The following CRADD variants were observed in gnomAD, a reference collection of about 807,000 sequenced individuals.
CRADD encodes death domain-containing protein CRADD.
A neutral mutation model predicts 15.5 loss-of-function variants in CRADD; 9 were observed. That is an observed-to-expected ratio of 0.58 (90% confidence interval 0.35 to 1.01). The LOEUF (loss-of-function observed/expected upper bound fraction) is 1.01. Among genes scored for constraint, CRADD ranks in the 50% least tolerant of loss-of-function variants. The pLI, the probability that CRADD is intolerant of heterozygous loss-of-function variation, is 0.02. For synonymous variants in CRADD, 118 were observed against 107.6 expected, an observed-to-expected ratio of 1.10 and a Z score of -0.60; for missense variants, 227 against 250.3, an observed-to-expected ratio of 0.91 and a Z score of 0.63.
intron 2 of CRADD, among the ~76,000 whole-genome samples, chr12:93,865,363 T>A (rs1958357381): frequency 6.6e-6 from 1 of 152,126 alleles, no homozygotes; most frequent in South Asian, 2.1e-4. Flanking sequence ...GATGCTCAAG[T>A]CCCTGGTATA....
intron 2 of CRADD, among the ~76,000 whole-genome samples, chr12:93,724,122 T>G (rs112762040): frequency 2.6e-4 from 39 of 152,140 alleles, no homozygotes; most frequent in African/African-American, 8.7e-4. Flanking sequence ...ACACCTGTAA[T>G]CCCAGCACTT....
chr12:93,790,041 C>T (rs1957330754), intron 2 of CRADD, among the ~76,000 whole-genome samples: 1 of 152,132 alleles, frequency 6.6e-6, no homozygotes, highest in African/African-American at 2.4e-5. Context: ...GAACACAAGC[C>T]TCTCCTACCC....
intron 2 of CRADD, among the ~76,000 whole-genome samples, chr12:93,889,651 G>A (rs1460776852): frequency 1.3e-5 from 2 of 152,148 alleles, no homozygotes; most frequent in African/African-American, 4.8e-5. Context: ...AGCGAGGGTT[G>A]TAAGTCATAG....
chr12:93,799,458 C>G (rs1399091610), intron 2 of CRADD, among the ~76,000 whole-genome samples: 1 of 152,184 alleles, frequency 6.6e-6, no homozygotes, highest in Non-Finnish European at 1.5e-5. Context: ...CTTGTCACCT[C>G]TCTTCTATTC....
downstream of CRADD, among the ~76,000 whole-genome samples, chr12:93,854,358 T>C (rs1199544815): frequency 2.0e-5 from 3 of 152,234 alleles, no homozygotes; most frequent in African/African-American, 7.2e-5. Context: ...CCCTGCCTTC[T>C]TTACTTGGTA....
At chr12:93,701,852 C>T (rs534030441) in intron 2 of CRADD, among the ~76,000 whole-genome samples, 1 of 151,768 alleles carries the variant, frequency 6.6e-6, no homozygotes, top group Non-Finnish European at 1.5e-5. Flanking sequence ...CTATAATTTC[C>T]CCCCACCCCA....
chr12:93,867,405 T>TATATATATATATATATATATA (rs1207739624), intron 2 of CRADD, among the ~76,000 whole-genome samples: 1,673 of 101,776 alleles, frequency 0.016, 143 homozygotes, highest in South Asian at 0.031. Flanking sequence ...ATATATATAT[T>TATATATATATATATATATATA]TTTTAAACTT....
intron 2 of CRADD, among the ~76,000 whole-genome samples, chr12:93,793,057 A>G (rs1957368664): frequency 6.6e-6 from 1 of 152,208 alleles, no homozygotes; most frequent in Non-Finnish European, 1.5e-5. Context: ...GTTTAGCCAG[A>G]TAACCCACCA....
chr12:93,784,285 G>A (rs1957247947), intron 2 of CRADD, among the ~76,000 whole-genome samples: 1 of 152,140 alleles, frequency 6.6e-6, no homozygotes, highest in Non-Finnish European at 1.5e-5. Flanking sequence ...AAATACTGCT[G>A]ATATTTACTA....
intron 2 of CRADD, chr12:93,708,332 T>C (rs1399151125): frequency 6.6e-6 from 1 of 152,218 alleles, no homozygotes; most frequent in Admixed American, 6.5e-5. Flanking sequence ...TGGGAAAGGC[T>C]GTAGGGACTT....
At chr12:93,843,100 T>G (rs1299141134) in intron 2 of CRADD, among the ~76,000 whole-genome samples, 4 of 152,146 alleles carry the variant, frequency 2.6e-5, no homozygotes, top group African/African-American at 4.8e-5. Context: ...TAACCAGAGA[T>G]AGTACTGCCT....
At chr12:93,865,742 G>A (rs542768175) in intron 2 of CRADD, among the ~76,000 whole-genome samples, 3 of 152,258 alleles carry the variant, frequency 2.0e-5, no homozygotes, top group African/African-American at 7.2e-5. Flanking sequence ...GTTACTTACA[G>A]TACCTAATAC....
intron 2 of CRADD, among the ~76,000 whole-genome samples, chr12:93,749,196 C>T (rs1956802917): frequency 6.6e-6 from 1 of 151,980 alleles, no homozygotes; most frequent in African/African-American, 2.4e-5. Context: ...GAAGCTGGCA[C>T]CTAAAGGATG....
intron 2 of CRADD, among the ~76,000 whole-genome samples, chr12:93,713,737 A>G (rs1276311677): frequency 6.6e-6 from 1 of 152,194 alleles, no homozygotes; most frequent in Non-Finnish European, 1.5e-5. Flanking sequence ...TATCATACAC[A>G]TTAGATTTCA....
At chr12:93,683,844 A>G (rs923874115) in intron 2 of CRADD, among the ~76,000 whole-genome samples, 4 of 152,238 alleles carry the variant, frequency 2.6e-5, no homozygotes, top group Non-Finnish European at 5.9e-5. Context: ...GGTTCCTCCA[A>G]TCATACCACG....
chr12:93,687,453 C>T (rs748304278), intron 2 of CRADD, among the ~76,000 whole-genome samples: 3 of 152,152 alleles, frequency 2.0e-5, no homozygotes, highest in Non-Finnish European at 4.4e-5. Flanking sequence ...CCAGGTGAAT[C>T]CATTACACAA....
intron 2 of CRADD, among the ~76,000 whole-genome samples, chr12:93,733,211 T>C (rs1406914107): frequency 2.6e-5 from 4 of 152,220 alleles, no homozygotes; most frequent in South Asian, 2.1e-4. Flanking sequence ...CCTCTTCTCT[T>C]TTTTATCTTT....
chr12:93,847,645 A>G (rs1192471843), intron 2 of CRADD, among the ~76,000 whole-genome samples: 1 of 152,124 alleles, frequency 6.6e-6, no homozygotes, highest in African/African-American at 2.4e-5. Flanking sequence ...GCATTCAACC[A>G]TTACAATGCC....
intron 2 of CRADD, among the ~76,000 whole-genome samples, chr12:93,842,223 G>A (rs1235110629): frequency 6.6e-6 from 1 of 152,150 alleles, no homozygotes; most frequent in Non-Finnish European, 1.5e-5. Flanking sequence ...TTGAATGCAA[G>A]GTGAAAACAG....
Sources: gnomAD v4.1 joint callset for allele counts (sites outside exome capture counted in the v4.1 genomes callset) on GRCh38, gnomAD v4.1.1 for gene constraint, MANE v1.5 for transcripts, NCBI Gene and HGNC (gene_info 2026-07-23, HGNC 2026-07-21) for gene names.